The following ENO3 variants were observed in gnomAD, a reference collection of about 807,000 sequenced individuals.
ENO3 encodes beta-enolase.
In ENO3, 46 loss-of-function variants were observed where a neutral mutation model predicts 47.7. The observed-to-expected ratio is 0.96, with a 90% CI of 0.76 to 1.23. The LOEUF is 1.23. Among genes scored for constraint, ENO3 ranks in the 50% most tolerant of loss-of-function variants. The pLI, the probability that ENO3 is intolerant of heterozygous loss-of-function variation, is 0.00. For missense variants in ENO3, 575 were observed against 566.2 expected, an observed-to-expected ratio of 1.02 and a Z score of -0.16; for synonymous variants, 223 against 225.9, an observed-to-expected ratio of 0.99 and a Z score of 0.11.
At position 4,955,269 on chromosome 17, in the gene ENO3, C is replaced by A. The variant is rs373847361; in HGVS notation, c.639C>A (p.Phe213Leu). 1.1e-5 allele frequency: 18 copies of A among 1,614,132 alleles called. No individual in the cohort carries two copies. The African/African-American group carries it at 1.6e-4, about 14-fold the overall frequency. ...CCAATGTGGGTGATGAAGGTGGCTT[C>A]GCACCCAACATCCTGGAGAACAATG... is the stretch of plus-strand genomic sequence containing the variant. ...DATNVGDEGG[F>L]APNILENNEA... The change falls in exon 7 of 12, where the codon TTC (phenylalanine) becomes TTA (leucine). Residue 213 changes from phenylalanine (F) to leucine (L), a missense_variant. Transcript: ENST00000519602.
chr17:4,952,577 C>T (rs758307272), intron 2 of ENO3, among the ~76,000 whole-genome samples: 4 of 152,210 alleles, frequency 2.6e-5, no homozygotes, highest in Non-Finnish European at 5.9e-5. Context: ...CCCGCCTTGG[C>T]CTCCCAAAGT....
chr17:4,956,323 C>T (rs1040308183), intron 9 of ENO3, 180 bp downstream of exon 9: 3 of 830,492 alleles, frequency 3.6e-6, no homozygotes, highest in Non-Finnish European at 5.8e-6. Flanking sequence ...GAGCTTTGCC[C>T]CTGTGGCTCT....
chr17:4,956,334 G>C, intron 9 of ENO3, 191 bp downstream of exon 9: 1 of 783,760 alleles, frequency 1.3e-6, no homozygotes, highest in Non-Finnish European at 2.1e-6. Flanking sequence ...CTGTGGCTCT[G>C]TCATGACCCC....
In ENO3 at chr17:4,952,957, G is replaced by A. The variant is rs578052442; in HGVS notation, c.181+67G>A. 3.6e-4 allele frequency: 572 copies of A among 1,610,750 alleles called. 3 individuals carry two copies. In the African/African-American group the frequency reaches 6.9e-3, roughly 20 times the overall value. ...TTAGGACATGGGTGCACAATGGGTA[G>A]AGGACTGGAACCCCCAAGGCTCTTG... On this transcript the variant is annotated intron_variant, in intron 3 of 11. Transcript: ENST00000519602.
chr17:4,956,350 C>T, intron 9 of ENO3: 1 of 738,900 alleles, frequency 1.4e-6, no homozygotes. Context: ...ACCCCCCACC[C>T]CCAGCCCACA....
At chr17:4,950,504 G>A (rs1174639701), upstream of ENO3, 7 of 948,220 alleles carry the variant, frequency 7.4e-6, no homozygotes, top group East Asian at 6.9e-4. Context: ...TATCAGTCGG[G>A]CGCCTTGCCA....
chr17:4,950,661 G>T (rs1199351688), upstream of ENO3: 1 of 985,516 alleles, frequency 1.0e-6, no homozygotes. Context: ...GGGGTGGGGG[G>T]TCCCGTCCTT....
intron 6 of ENO3, 74 bp downstream of exon 6, chr17:4,953,919 C>T (rs1189067528): frequency 6.2e-7 from 1 of 1,609,330 alleles, no homozygotes; most frequent in Admixed American, 1.7e-5. Flanking sequence ...GTTGGCCCCC[C>T]TGGAAAATCC....
chr17:4,955,130 A>G lies in ENO3; in HGVS notation c.500A>G (p.Glu167Gly). 1 of 1,614,184 alleles carries G rather than the reference A, an allele frequency of 6.2e-7. No individual in the cohort carries two copies. Among genetic ancestry groups the G allele is most frequent in the Non-Finnish European group, 8.5e-7 (1 of 1,180,022 alleles). Residue 167 changes from glutamate to glycine, a missense_variant, in exon 7 of 12, where the codon GAG (glutamate) becomes GGG (glycine). Coordinates refer to ENST00000519602, the MANE Select transcript of ENO3 (RefSeq NM_053013.4). ...SHAGNKLAMQ[E>G]FMILPVGASS... ...GCTGGAAACAAGCTGGCCATGCAGG[A>G]GTTCATGATTCTGCCTGTGGGAGCC...
Position 4,953,562 on chromosome 17 carries a change from G to C in ENO3, c.311-150G>C, listed in dbSNP as rs934039117. The C allele has an allele frequency of 7.4e-6, 11 of 1,482,356 alleles. No homozygotes were observed. The African/African-American group carries it at 1.5e-4, about 21-fold the overall frequency. The allele number at this position is 1,482,356 out of a possible 1,614,324, so 91.8% of individuals were successfully genotyped here. On this transcript the variant is annotated intron_variant, in intron 5 of 11. Coordinates refer to ENST00000519602, the MANE Select transcript of ENO3 (RefSeq NM_053013.4). Reference sequence around the variant, plus strand: ...TGCAGCTGACACATTCCCCCGGGGTGGGGGTTCCCAGGGCTACTCAGGCTG... The same window carrying C: ...TGCAGCTGACACATTCCCCCGGGGTCGGGGTTCCCAGGGCTACTCAGGCTG...
chr17:4,950,299 T>C (rs556200393), upstream of ENO3: 28 of 152,498 alleles, frequency 1.8e-4, no homozygotes, highest in African/African-American at 6.5e-4. Context: ...GTGCTACAAG[T>C]GGGGCGCCGG....
intron 5 of ENO3, 35 bp from the exon 6 acceptor site, chr17:4,953,677 G>A: frequency 6.2e-7 from 1 of 1,614,200 alleles, no homozygotes; most frequent in Non-Finnish European, 8.5e-7. Flanking sequence ...CCCTGCAGAA[G>A]CTCTCATCCT....
In ENO3 at chr17:4,955,571, G is replaced by A. The variant is rs370822982; in HGVS notation, c.832G>A (p.Glu278Lys). 4.4e-5 allele frequency: 71 copies of A among 1,614,130 alleles called. No homozygotes were observed. Among genetic ancestry groups the A allele is most frequent in the Non-Finnish European group, 5.5e-5 (65 of 1,180,054 alleles). ...ARHITGEKLG[E>K]LYKSFIKNYP... Reference sequence around the variant, plus strand: ...GCACATCACTGGGGAGAAGCTCGGAGAGCTGTATAAGAGCTTTATCAAGAA... The same window carrying A: ...GCACATCACTGGGGAGAAGCTCGGAAAGCTGTATAAGAGCTTTATCAAGAA... The change falls in exon 8 of 12, where the codon GAG (glutamate) becomes AAG (lysine). Residue 278 changes from glutamate (E) to lysine (K), a missense_variant. Transcript: ENST00000519602.
intron 4 of ENO3, 76 bp downstream of exon 4, chr17:4,953,185 A>C: frequency 6.2e-7 from 1 of 1,613,072 alleles, no homozygotes; most frequent in Non-Finnish European, 8.5e-7. Flanking sequence ...CCTCTCCCGA[A>C]ACATTTTCCC....
intron 6 of ENO3, chr17:4,954,108 T>A (rs1971644821): frequency 3.5e-6 from 2 of 574,306 alleles, no homozygotes; most frequent in Non-Finnish European, 6.2e-6. Context: ...TCCAGCCTCG[T>A]TCCAACCCCA....
rs1971724015 is a variant in ENO3, at chr17:4,956,087, C to T, written c.1011C>T (p.Cys337=). The T allele has an allele frequency of 1.9e-6, 3 of 1,614,004 alleles. No individual in the cohort carries two copies. The highest frequency in any genetic ancestry group is 2.5e-6 in the Non-Finnish European group (3 of 1,180,018). ...CCCAGGCCGTTGAGAAGAAGGCCTG[C>T]AACTGTCTGCTGCTGAAGGTCAACC... is the stretch of plus-strand genomic sequence containing the variant. The part of the protein sequence containing the change: ...RIAQAVEKKA[C]NCLLLKVNQI... The change falls in exon 9 of 12, where the codon TGC becomes TGT. Residue 337 remains cysteine, a synonymous_variant. Transcript: ENST00000519602.
At chr17:4,951,029 G>A, upstream of ENO3, 11 of 986,366 alleles carry the variant, frequency 1.1e-5, no homozygotes, top group Non-Finnish European at 1.3e-5. Flanking sequence ...AGCCCAGTGT[G>A]AAGGGGGGAG....
intron 10 of ENO3, 75 bp downstream of exon 10, chr17:4,956,756 A>G: frequency 6.2e-7 from 1 of 1,613,926 alleles, no homozygotes; most frequent in Non-Finnish European, 8.5e-7. Context: ...TTTGAGGTTA[A>G]TGCTCCCTTG....
chr17:4,956,145 T>G lies in ENO3; in HGVS notation c.1067+2T>G. ...CTCGGTGACCGAATCGATCCAGGCG[T>G]GAGTGCCTCCTGACCCTGAGGCTCA... On this transcript the variant is annotated splice_donor_variant, in intron 9 of 11. Coordinates refer to ENST00000519602, the MANE Select transcript of ENO3 (RefSeq NM_053013.4). LOFTEE classifies it high-confidence loss of function. 1 of 1,613,846 alleles carries G rather than the reference T, an allele frequency of 6.2e-7. No individual in the cohort carries two copies. Among genetic ancestry groups the G allele is most frequent in the Non-Finnish European group, 8.5e-7 (1 of 1,179,936 alleles).
Sources: allele counts gnomAD v4.1 joint callset (sites outside exome capture counted in the v4.1 genomes callset), GRCh38; gene constraint gnomAD v4.1.1; transcripts MANE v1.5; gene names NCBI Gene and HGNC (gene_info 2026-07-23, HGNC 2026-07-21).